TANC1: variants seen among roughly 807,000 people sequenced by gnomAD.
The protein encoded by TANC1 is protein TANC1.
A neutral mutation model predicts 149.7 loss-of-function variants in TANC1; 77 were observed. That is an observed-to-expected ratio of 0.51 (90% CI 0.43 to 0.62). The LOEUF (loss-of-function observed/expected upper bound fraction) is 0.62, where lower values mean the gene tolerates loss of function less well. Ranked by LOEUF, TANC1 falls within the 20% of genes least tolerant of loss-of-function variation. TANC1 has a pLI of 0.00. For synonymous variants in TANC1, 854 were observed against 925.0 expected, an observed-to-expected ratio of 0.92 and a Z score of 1.39; for missense variants, 1,985 against 2,321.8, an observed-to-expected ratio of 0.85 and a Z score of 2.98.
At chr2:159,015,970 C>T (rs1315187656) in intron 2 of TANC1, among the ~76,000 whole-genome samples, 1 of 152,202 alleles carries the variant, frequency 6.6e-6, no homozygotes, top group Non-Finnish European at 1.5e-5. Context: ...CAAACTGTTC[C>T]AGCCTCTGTA....
intron 4 of TANC1, among the ~76,000 whole-genome samples, chr2:159,121,640 T>G (rs1057029423): frequency 2.6e-5 from 4 of 152,194 alleles, no homozygotes; most frequent in Admixed American, 2.6e-4. Flanking sequence ...AGAAAGGCAA[T>G]AGCATAATTC....
At chr2:159,118,350 G>A (rs2048510172) in intron 4 of TANC1, among the ~76,000 whole-genome samples, 1 of 152,206 alleles carries the variant, frequency 6.6e-6, no homozygotes, top group South Asian at 2.1e-4. Flanking sequence ...CCACCACCAT[G>A]AGAGTGGAGG....
chr2:159,007,145 T>G (rs28572482), intron 2 of TANC1, among the ~76,000 whole-genome samples: 13 of 144,550 alleles, frequency 9.0e-5, no homozygotes, highest in East Asian at 2.1e-4. Flanking sequence ...ACTGTTTTTT[T>G]TTTTTTTTTT....
intron 2 of TANC1, among the ~76,000 whole-genome samples, chr2:159,051,897 C>T (rs902010152): frequency 2.0e-5 from 3 of 152,146 alleles, no homozygotes; most frequent in African/African-American, 4.8e-5. Context: ...AAAACCATCT[C>T]GGTTACCCAG....
intron 4 of TANC1, among the ~76,000 whole-genome samples, chr2:159,124,476 G>A (rs140621990): frequency 1.2e-3 from 188 of 152,276 alleles, no homozygotes; most frequent in African/African-American, 4.5e-3. Context: ...TGAACCCACA[G>A]GGAAAGAAAA....
rs200444006 is a variant in TANC1 at position 158,980,774 on chromosome 2, C to CAA, written c.-126+12008_-126+12009dup. Among the ~76,000 whole-genome samples the CAA allele has an allele frequency of 5.2e-4, 57 of 109,776 alleles. 1 individual carries two copies. Among genetic ancestry groups the CAA allele is most frequent in the African/African-American group, 1.1e-3 (36 of 32,234 alleles). 72.0% of individuals were successfully genotyped at this position (109,776 alleles called of 152,430 possible). A position where few individuals can be genotyped will look rare whatever the true frequency, so the allele number is the denominator to read the frequency against. ...TGGGCAACAGAGCAAGACTCCATCTCAAAAAAAAAAAAAAAAATTCTCCCT... is the reference window on the plus strand; with the variant it reads ...TGGGCAACAGAGCAAGACTCCATCTCAAAAAAAAAAAAAAAAAAATTCTCCCT... On this transcript the variant is annotated intron_variant, in intron 1 of 26. Transcript: ENST00000263635.
chr2:159,069,639 A>G (rs991835364), intron 3 of TANC1, among the ~76,000 whole-genome samples: 1 of 152,188 alleles, frequency 6.6e-6, no homozygotes, highest in African/African-American at 2.4e-5. Context: ...TACAGTAGAT[A>G]TAAGAGCCAC....
At chr2:159,024,712 C>T (rs2039116222) in intron 2 of TANC1, among the ~76,000 whole-genome samples, 1 of 151,426 alleles carries the variant, frequency 6.6e-6, no homozygotes, top group African/African-American at 2.4e-5. Flanking sequence ...GATTGCACCA[C>T]TGCACTCCAG....
chr2:159,187,186 AC>A (rs1465799922), intron 16 of TANC1, among the ~76,000 whole-genome samples, 162 bp downstream of exon 16: 8 of 152,042 alleles, frequency 5.3e-5, no homozygotes, highest in African/African-American at 1.9e-4. Context: ...GTGCTGTATT[AC>A]TCGTTCTTCC....
rs765729452 is a variant in TANC1 at position 159,228,774 on chromosome 2, CTG to C, written c.4051-20_4051-19del. 5.0e-6 allele frequency: 8 copies of C among 1,586,970 alleles called. No individual in the cohort carries two copies. The highest frequency in any genetic ancestry group is 6.9e-6 in the Non-Finnish European group (8 of 1,155,430). On this transcript the variant is annotated intron_variant, in intron 25 of 26. Coordinates refer to ENST00000263635, the MANE Select transcript of TANC1 (RefSeq NM_033394.3). ...CGTGTGTCCAGGCTGCTTCTGACTC[CTG>C]TATTTCTTGTCGACACCAGGACTTT...
chr2:159,197,746 C>G lies in TANC1; in HGVS notation c.3165+953C>G, dbSNP rs79563504. ...GGAATGACCTTGGTCTTAATCCATG[C>G]TAACCCCCTTGTTTTAAAGCTGGTT... On this transcript the variant is annotated intron_variant, in intron 18 of 26. Transcript: ENST00000263635. 8.5e-3 allele frequency among the ~76,000 whole-genome samples: 1,297 copies of G among 152,228 alleles called. 71 individuals carry two copies. The East Asian group carries it at 0.14, about 16-fold the overall frequency.
intron 7 of TANC1, among the ~76,000 whole-genome samples, chr2:159,152,664 A>T (rs1322587614): frequency 3.3e-5 from 5 of 152,066 alleles, no homozygotes; most frequent in Admixed American, 1.3e-4. Flanking sequence ...TCATTAAAAA[A>T]TTTTTTAACA....
At chr2:159,198,917 C>A in intron 18 of TANC1, 58 bp from the exon 19 acceptor site, 1 of 1,194,960 alleles carries the variant, frequency 8.4e-7, no homozygotes, top group Non-Finnish European at 1.3e-6. Flanking sequence ...GATACATGGG[C>A]TATAATAAGC....
intron 19 of TANC1, among the ~76,000 whole-genome samples, chr2:159,203,687 C>T (rs56139933): frequency 6.6e-6 from 1 of 151,758 alleles, no homozygotes; most frequent in African/African-American, 2.4e-5. Context: ...CCACCTTGGG[C>T]TCCTGAGTAG....
At chr2:159,171,871 A>AAG (rs1553599449) in intron 10 of TANC1, among the ~76,000 whole-genome samples, 5 of 105,588 alleles carry the variant, frequency 4.7e-5, no homozygotes, top group Non-Finnish European at 6.0e-5. Flanking sequence ...AAAAAAAAAA[A>AAG]AAAAGAAAAA....
intron 3 of TANC1, among the ~76,000 whole-genome samples, chr2:159,082,549 A>G (rs1048238836): frequency 2.6e-5 from 4 of 152,010 alleles, no homozygotes; most frequent in African/African-American, 7.3e-5. Flanking sequence ...TTTGTTTCCT[A>G]GCTCACTTGT....
At chr2:158,990,828 T>G (rs2035544335) in intron 1 of TANC1, among the ~76,000 whole-genome samples, 1 of 152,140 alleles carries the variant, frequency 6.6e-6, no homozygotes, top group Admixed American at 6.5e-5. Flanking sequence ...ATCCCAGCTC[T>G]TTGGGAGGCC....
In TANC1 at chr2:159,186,983, G is replaced by A. The variant is rs200861559; in HGVS notation, c.2701G>A (p.Ala901Thr). Residue 901 changes from alanine to threonine, a missense_variant, in exon 16 of 27, where the codon GCC (alanine) becomes ACC (threonine). Physicochemically the swap from Ala to Thr is moderately conservative, Grantham distance 58 (BLOSUM62 0). Coordinates refer to ENST00000263635, the MANE Select transcript of TANC1 (RefSeq NM_033394.3). The stretch of plus-strand genomic sequence containing the variant: ...CTACAGCACCGAGGGGCTGTCCGCC[G>A]CCCTGGCCTCTCTCAGGAATCTCTA... ...IGYSTEGLSAALASLRNLYTP... is the reference protein window; with the variant it reads ...IGYSTEGLSATLASLRNLYTP... 13 of 1,614,046 alleles carry A rather than the reference G, an allele frequency of 8.1e-6. No individual in the cohort carries two copies. The highest frequency in any genetic ancestry group is 5.3e-5 in the African/African-American group (4 of 74,928).
rs746240041 is a variant in TANC1 at position 159,219,689 on chromosome 2, C to T, written c.3503-3C>T. The T allele has an allele frequency of 6.2e-7, 1 of 1,614,104 alleles. No homozygotes were observed. Among genetic ancestry groups the T allele is most frequent in the Admixed American group, 1.7e-5 (1 of 60,022 alleles). On this transcript the variant is annotated splice_polypyrimidine_tract_variant and splice_region_variant and intron_variant, in intron 21 of 26. Coordinates refer to ENST00000263635, the MANE Select transcript of TANC1 (RefSeq NM_033394.3). Reference sequence around the variant, plus strand: ...ATGTTCTGTGAATGGGCTTTCCTTTCAGGTGCAGCCCTTTCTTCTCTAGAC... The same window carrying T: ...ATGTTCTGTGAATGGGCTTTCCTTTTAGGTGCAGCCCTTTCTTCTCTAGAC...
Sources: allele counts gnomAD v4.1 joint callset (sites outside exome capture counted in the v4.1 genomes callset), GRCh38; gene constraint gnomAD v4.1.1; transcripts MANE v1.5; gene names NCBI Gene and HGNC (gene_info 2026-07-23, HGNC 2026-07-21).